CFAP20DC: variants seen among roughly 807,000 people sequenced by gnomAD.
CFAP20DC encodes the protein CFAP20 domain containing, also known as protein CFAP20DC.
CFAP20DC carries 84 observed loss-of-function variants against 101.7 expected under a neutral mutation model. The ratio of observed to expected loss-of-function variants is 0.83; its 90% CI spans 0.69 to 0.99. The LOEUF (loss-of-function observed/expected upper bound fraction) is 0.99, where lower values mean the gene tolerates loss of function less well. Among genes scored for constraint, CFAP20DC ranks in the 50% least tolerant of loss-of-function variants. CFAP20DC has a pLI of 0.00. For missense variants in CFAP20DC, 1,007 were observed against 970.3 expected (o/e 1.04, Z -0.50); for synonymous variants, 359 against 351.2 (o/e 1.02, Z -0.25).
At chr3:58,991,715 C>T (rs1333200254) in intron 4 of CFAP20DC, among the ~76,000 whole-genome samples, 3 of 152,088 alleles carry the variant, frequency 2.0e-5, no homozygotes, top group Admixed American at 2.0e-4. Context: ...ATAGGGTCTG[C>T]TCTCCTACGA....
Position 58,937,150 on chromosome 3 carries a change from C to T in CFAP20DC, c.393+498G>A, listed in dbSNP as rs17059964. 6.6e-4 allele frequency among the ~76,000 whole-genome samples: 101 copies of T among 152,308 alleles called. No individual in the cohort carries two copies. In the East Asian group the frequency reaches 0.016, roughly 24 times the overall value. ...TCTGAACCCATATCAGGCTCTTGTA[C>T]TGTCAGACCAATGTTTCCTTAGGGC... is the stretch of plus-strand genomic sequence containing the variant. On this transcript the variant is annotated intron_variant, in intron 5 of 16. Coordinates refer to ENST00000482387, the MANE Select transcript of CFAP20DC (RefSeq NM_001394063.1).
intron 15 of CFAP20DC, among the ~76,000 whole-genome samples, chr3:58,763,174 C>G (rs2107398190): frequency 6.6e-6 from 1 of 152,310 alleles, no homozygotes; most frequent in Middle Eastern, 3.4e-3. Flanking sequence ...TTCAGGTACA[C>G]CAATCAGACG....
chr3:58,872,852 A>G (rs2080351127), intron 7 of CFAP20DC, among the ~76,000 whole-genome samples: 1 of 151,798 alleles, frequency 6.6e-6, no homozygotes, highest in Admixed American at 6.6e-5. Flanking sequence ...GCAGGTGCTC[A>G]AGCAGAAGTC....
rs550679186 is a variant in CFAP20DC at position 58,934,130 on chromosome 3, A to G, written c.393+3518T>C. On this transcript the variant is annotated intron_variant, in intron 5 of 16. Transcript: ENST00000482387. ...ACAGAAATACAAACTACCATCAGAG[A>G]ATACTACAAACACCTCTATGCAAAT... 1.9e-3 allele frequency among the ~76,000 whole-genome samples: 287 copies of G among 152,364 alleles called. 1 individual carries two copies. Among genetic ancestry groups the G allele is most frequent in the African/African-American group, 6.8e-3 (281 of 41,586 alleles).
chr3:58,878,946 T>C (rs2081001610), intron 7 of CFAP20DC, among the ~76,000 whole-genome samples: 1 of 151,416 alleles, frequency 6.6e-6, no homozygotes, highest in Non-Finnish European at 1.5e-5. Flanking sequence ...AGGCGGAGCT[T>C]GCAGCGAGCC....
At chr3:58,741,781 T>C (rs934356772), downstream of CFAP20DC, among the ~76,000 whole-genome samples, 5 of 151,922 alleles carry the variant, frequency 3.3e-5, no homozygotes, top group African/African-American at 1.2e-4. Context: ...AAAAGAAAAA[T>C]ACAGTGCTAA....
intron 4 of CFAP20DC, among the ~76,000 whole-genome samples, chr3:58,968,389 T>C: frequency 6.6e-6 from 1 of 152,202 alleles, no homozygotes; most frequent in Non-Finnish European, 1.5e-5. Flanking sequence ...TTTTACTTTT[T>C]AACAATAGCC....
chr3:58,910,521 A>T (rs1221316017), intron 6 of CFAP20DC, among the ~76,000 whole-genome samples: 2 of 152,044 alleles, frequency 1.3e-5, no homozygotes, highest in Non-Finnish European at 2.9e-5. Flanking sequence ...GTATTTTTTT[A>T]AATTGTGGAA....
rs554706031 is a variant in CFAP20DC at position 58,899,616 on chromosome 3, C to A, written c.550+14092G>T. Among the ~76,000 whole-genome samples the A allele has an allele frequency of 1.6e-4, 24 of 152,228 alleles. No homozygotes were observed. Among genetic ancestry groups the A allele is most frequent in the South Asian group, 1.5e-3 (7 of 4,808 alleles). On this transcript the variant is annotated intron_variant, in intron 6 of 16. Coordinates refer to ENST00000482387, the MANE Select transcript of CFAP20DC (RefSeq NM_001394063.1). The surrounding 1 kb of genome is among the most constrained non-coding windows in gnomAD (Gnocchi z 5.0). ...TTGGACCCAGTACCCTGGTGGCATG[C>A]GCTTATGAGGGGATCTCCTAATCTG...
intron 4 of CFAP20DC, among the ~76,000 whole-genome samples, chr3:59,005,683 A>G (rs2093417534): frequency 6.6e-6 from 1 of 152,216 alleles, no homozygotes; most frequent in African/African-American, 2.4e-5. Flanking sequence ...ACTGTTACAT[A>G]ACTATCATTA....
chr3:58,811,398 C>T (rs2074618408), intron 14 of CFAP20DC, among the ~76,000 whole-genome samples: 1 of 151,946 alleles, frequency 6.6e-6, no homozygotes, highest in African/African-American at 2.4e-5. Context: ...AGAAATAACG[C>T]CGCATATCTA....
At chr3:58,858,630 T>G (rs1227466779) in intron 12 of CFAP20DC, among the ~76,000 whole-genome samples, 2 of 152,082 alleles carry the variant, frequency 1.3e-5, no homozygotes, top group Non-Finnish European at 2.9e-5. Flanking sequence ...TTCAATGGAG[T>G]TTTAAATTCA....
chr3:58,834,193 C>T (rs1003773635), intron 13 of CFAP20DC, among the ~76,000 whole-genome samples: 5 of 152,056 alleles, frequency 3.3e-5, no homozygotes. Context: ...AATTTTATGG[C>T]ATACAAATTA....
intron 4 of CFAP20DC, among the ~76,000 whole-genome samples, chr3:58,972,489 G>C (rs1335994552): frequency 6.6e-6 from 1 of 151,952 alleles, no homozygotes; most frequent in African/African-American, 2.4e-5. Context: ...TGATGGTTTT[G>C]GTTATTATGG....
In CFAP20DC at chr3:58,846,874, A is replaced by G. The variant is rs1205916715; in HGVS notation, c.1971+2158T>C. Among the ~76,000 whole-genome samples, 432 of 150,168 alleles carry G rather than the reference A, an allele frequency of 2.9e-3. 4 individuals are homozygous for G. Among genetic ancestry groups the G allele is most frequent in the African/African-American group, 0.01 (417 of 40,932 alleles). On this transcript the variant is annotated intron_variant, in intron 13 of 16. Transcript: ENST00000482387. ...GAAATAACGCCGCATATCTACAATT[A>G]TCTGATCTTTGACAAACCTGAGAAA... is the stretch of plus-strand genomic sequence containing the variant.
chr3:58,929,016 C>T (rs796713096), intron 5 of CFAP20DC, among the ~76,000 whole-genome samples: 4 of 152,154 alleles, frequency 2.6e-5, no homozygotes, highest in African/African-American at 9.6e-5. Context: ...CTCCACAGTA[C>T]CTATTATAGC....
chr3:58,849,001 GGCATC>G (rs1324691921), intron 13 of CFAP20DC, 26 bp downstream of exon 13: 1 of 1,523,766 alleles, frequency 6.6e-7, no homozygotes. Flanking sequence ...ATGTATTGCC[GGCATC>G]TGTAAACCAC....
chr3:58,770,141 C>T (rs190211270), intron 15 of CFAP20DC, among the ~76,000 whole-genome samples: 1 of 152,292 alleles, frequency 6.6e-6, no homozygotes, highest in East Asian at 1.9e-4. Context: ...TGAACTATTA[C>T]ATATGTAGAT....
intron 4 of CFAP20DC, among the ~76,000 whole-genome samples, chr3:59,030,352 T>C (rs1341296162): frequency 6.6e-6 from 1 of 152,228 alleles, no homozygotes; most frequent in Non-Finnish European, 1.5e-5. Context: ...TGTAAAAACA[T>C]GATCTCTGTC....
Sources: allele counts gnomAD v4.1 joint callset (sites outside exome capture counted in the v4.1 genomes callset), GRCh38; gene constraint gnomAD v4.1.1; non-coding constraint Gnocchi (gnomAD v3.1); transcripts MANE v1.5; gene names NCBI Gene and HGNC (gene_info 2026-07-23, HGNC 2026-07-21).